Variants in NOL4 observed in about 807,000 individuals in gnomAD.
NOL4 encodes cancer/testis antigen 125.
A neutral mutation model predicts 75.9 loss-of-function variants in NOL4; 17 were observed. The ratio of observed to expected loss-of-function variants is 0.22; its 90% CI spans 0.15 to 0.34. NOL4 has a LOEUF of 0.34. Ranked by LOEUF, NOL4 falls within the 10% of genes least tolerant of loss-of-function variation. NOL4 has a pLI of 1.00. For missense variants in NOL4, 614 were observed against 793.5 expected, an observed-to-expected ratio of 0.77 and a Z score of 2.72; for synonymous variants, 292 against 289.9, an observed-to-expected ratio of 1.01 and a Z score of -0.07.
intron 1 of NOL4, among the ~76,000 whole-genome samples, chr18:34,136,425 C>T (rs1401987209): frequency 3.3e-5 from 5 of 151,886 alleles, no homozygotes; most frequent in South Asian, 2.1e-4. Context: ...TTGTGTGTCA[C>T]GAATGACATG....
chr18:34,083,565 C>G (rs1003160049), intron 5 of NOL4, among the ~76,000 whole-genome samples: 5 of 152,136 alleles, frequency 3.3e-5, no homozygotes, highest in Non-Finnish European at 7.3e-5. Flanking sequence ...GGTTCTGGAA[C>G]TATAATAAAG....
intron 5 of NOL4, chr18:34,048,614 A>G (rs1369617441): frequency 2.0e-6 from 2 of 985,178 alleles, no homozygotes; most frequent in African/African-American, 3.5e-5. Context: ...TTCCTGTATG[A>G]AGCAGGAGAT....
At position 34,198,291 on chromosome 18, in the gene NOL4, G is replaced by A. The variant is rs377095994; in HGVS notation, c.264+24699C>T. Among the ~76,000 whole-genome samples the A allele has an allele frequency of 8.6e-5, 13 of 151,372 alleles. No individual in the cohort carries two copies. The East Asian group carries it at 1.7e-3, about 20-fold the overall frequency. The stretch of plus-strand genomic sequence containing the variant: ...ACTTTTCTGACTTCTTAAATTATAC[G>A]GGATATCTCATTGATTTCCAATCCT... On this transcript the variant is annotated intron_variant, in intron 1 of 10. Transcript: ENST00000261592.
chr18:33,920,934 C>T (rs1444660252), intron 9 of NOL4, among the ~76,000 whole-genome samples: 1 of 152,196 alleles, frequency 6.6e-6, no homozygotes, highest in Non-Finnish European at 1.5e-5. Flanking sequence ...ACTGCCCAGG[C>T]TGGCCAAGAG....
At chr18:34,127,341 T>C (rs2080433788) in intron 2 of NOL4, among the ~76,000 whole-genome samples, 1 of 151,898 alleles carries the variant, frequency 6.6e-6, no homozygotes, top group Non-Finnish European at 1.5e-5. Context: ...TTGATAATAT[T>C]GTTAAGACAG....
chr18:33,889,343 A>C (rs965786406), intron 9 of NOL4, among the ~76,000 whole-genome samples: 2 of 152,162 alleles, frequency 1.3e-5, no homozygotes, highest in Non-Finnish European at 2.9e-5. Flanking sequence ...CTCTGAATAC[A>C]GCAATAACAG....
intron 4 of NOL4, among the ~76,000 whole-genome samples, chr18:34,099,870 G>T (rs1266973732): frequency 6.6e-6 from 1 of 151,848 alleles, no homozygotes; most frequent in Admixed American, 6.6e-5. Context: ...TTCTACCCAT[G>T]CCCCTATATA....
intron 2 of NOL4, among the ~76,000 whole-genome samples, chr18:34,120,657 T>C (rs2080097403): frequency 6.6e-6 from 1 of 152,136 alleles, no homozygotes; most frequent in South Asian, 2.1e-4. Flanking sequence ...TTGAGGCAAA[T>C]GCATTCAACA....
chr18:34,086,357 A>G (rs949861246), intron 5 of NOL4, among the ~76,000 whole-genome samples: 4 of 152,162 alleles, frequency 2.6e-5, no homozygotes, highest in African/African-American at 9.6e-5. Flanking sequence ...TAAACACTGA[A>G]AGAAAACAAA....
At chr18:33,927,838 C>T (rs910124386) in intron 9 of NOL4, among the ~76,000 whole-genome samples, 3 of 152,020 alleles carry the variant, frequency 2.0e-5, no homozygotes, top group Non-Finnish European at 2.9e-5. Context: ...ATGTGTTCCT[C>T]GAGGCCACAA....
chr18:33,926,861 G>C (rs2067364473), intron 9 of NOL4, among the ~76,000 whole-genome samples: 1 of 152,182 alleles, frequency 6.6e-6, no homozygotes, highest in African/African-American at 2.4e-5. Flanking sequence ...GCCTCCCAAA[G>C]TGCTGGGATT....
At chr18:34,034,982 C>G (rs1221455179) in intron 5 of NOL4, among the ~76,000 whole-genome samples, 1 of 152,028 alleles carries the variant, frequency 6.6e-6, no homozygotes, top group Admixed American at 6.6e-5. Context: ...CTAAAGATGT[C>G]TAAAGATGGC....
intron 6 of NOL4, among the ~76,000 whole-genome samples, chr18:34,002,963 G>A (rs1383673601): frequency 6.6e-6 from 1 of 152,036 alleles, no homozygotes; most frequent in Non-Finnish European, 1.5e-5. Context: ...TTCTTTATAT[G>A]AAACTTGTAT....
At chr18:34,087,241 C>T (rs1488583779) in intron 5 of NOL4, among the ~76,000 whole-genome samples, 1 of 152,080 alleles carries the variant, frequency 6.6e-6, no homozygotes. Flanking sequence ...GCCAGTTTAG[C>T]ACATAATCTG....
intron 9 of NOL4, among the ~76,000 whole-genome samples, chr18:33,940,726 G>A (rs970351664): frequency 6.6e-6 from 1 of 151,256 alleles, no homozygotes; most frequent in African/African-American, 2.4e-5. Context: ...ACAAAAACGG[G>A]GGAAAAAAAG....
intron 5 of NOL4, among the ~76,000 whole-genome samples, chr18:34,033,259 G>T (rs1568248238): frequency 6.6e-6 from 1 of 151,890 alleles, no homozygotes. Flanking sequence ...TGATTCTTAA[G>T]AAACTCAGTG....
intron 5 of NOL4, among the ~76,000 whole-genome samples, chr18:34,039,775 T>TA (rs1171500656): frequency 6.6e-6 from 1 of 152,044 alleles, no homozygotes; most frequent in Non-Finnish European, 1.5e-5. Flanking sequence ...GTTCCTGACT[T>TA]ACAATGGTTC....
chr18:34,170,362 AT>A (rs1393613111), intron 1 of NOL4, among the ~76,000 whole-genome samples: 1 of 150,786 alleles, frequency 6.6e-6, no homozygotes, highest in Non-Finnish European at 1.5e-5. Flanking sequence ...ATTTTATTTT[AT>A]TTTTTTTAGT....
At chr18:34,034,993 A>G (rs1450592301) in intron 5 of NOL4, among the ~76,000 whole-genome samples, 1 of 152,176 alleles carries the variant, frequency 6.6e-6, no homozygotes, top group Non-Finnish European at 1.5e-5. Context: ...TAAAGATGGC[A>G]ATAGACTCTA....
Sources: gnomAD v4.1 joint callset for allele counts (sites outside exome capture counted in the v4.1 genomes callset) on GRCh38, gnomAD v4.1.1 for gene constraint, MANE v1.5 for transcripts, NCBI Gene and HGNC (gene_info 2026-07-23, HGNC 2026-07-21) for gene names.